Variants in ZNF217 observed in about 807,000 individuals in gnomAD.
The protein encoded by ZNF217 is zinc finger protein 217.
In ZNF217, 12 loss-of-function variants were observed where a neutral mutation model predicts 73.3. The ratio of observed to expected loss-of-function variants is 0.16; its 90% CI spans 0.10 to 0.27. The LOEUF (loss-of-function observed/expected upper bound fraction) is 0.27. Ranked by LOEUF, ZNF217 falls within the 10% of genes least tolerant of loss-of-function variation. The probability of loss-of-function intolerance (pLI) is 1.00; values close to 1 mark genes in which losing one functional copy is unlikely to be tolerated. For missense variants in ZNF217, 1,195 were observed against 1,327.8 expected, an observed-to-expected ratio of 0.90 and a Z score of 1.55; for synonymous variants, 588 against 516.4, an observed-to-expected ratio of 1.14 and a Z score of -1.88.
intron 4 of ZNF217, among the ~76,000 whole-genome samples, chr20:53,573,857 G>A (rs1682573811): frequency 6.6e-6 from 1 of 152,174 alleles, no homozygotes; most frequent in South Asian, 2.1e-4. Flanking sequence ...GATCACCTAA[G>A]GTCAGGAGTT....
In ZNF217 at chr20:53,581,405, C is replaced by CGGGGAGACAGACAGACACA; in HGVS notation, c.1366+37_1366+55dup. ...GGAGATGGGAATAGAGAGGGGGAGA[C>CGGGGAGACAGACAGACACA]GGGGAGACAGACAGACACAGGCGGA... is the stretch of plus-strand genomic sequence containing the variant. On this transcript the variant is annotated intron_variant, in intron 2 of 5. Transcript: ENST00000371471. The surrounding 1 kb of genome is among the most constrained non-coding windows in gnomAD (Gnocchi z 4.9). 6.5e-7 allele frequency: 1 copy of CGGGGAGACAGACAGACACA among 1,530,160 alleles called. No homozygotes were observed. The highest frequency in any genetic ancestry group is 1.2e-5 in the South Asian group (1 of 80,054). 94.8% of individuals were successfully genotyped at this position (1,530,160 alleles called of 1,614,324 possible).
chr20:53,591,932 C>A (rs1001308456), intron 1 of ZNF217, among the ~76,000 whole-genome samples: 8 of 152,232 alleles, frequency 5.3e-5, no homozygotes, highest in Non-Finnish European at 8.8e-5. Context: ...AAATCTCCTT[C>A]TTGACATATA....
chr20:53,591,237 T>G (rs1017818575), intron 1 of ZNF217, among the ~76,000 whole-genome samples: 2 of 152,146 alleles, frequency 1.3e-5, no homozygotes, highest in African/African-American at 4.8e-5. Flanking sequence ...ACAGCAAAGG[T>G]CAAACTGCAA....
chr20:53,578,638 AGT>A (rs1197551543), intron 2 of ZNF217, among the ~76,000 whole-genome samples, 188 bp from the exon 3 acceptor site: 2 of 152,218 alleles, frequency 1.3e-5, no homozygotes, highest in Non-Finnish European at 2.9e-5. Context: ...GAAGTTTTAG[AGT>A]GTTATAACAT....
At chr20:53,572,024 A>G (rs145152513) in intron 4 of ZNF217, among the ~76,000 whole-genome samples, 171 bp from the exon 5 acceptor site, 32 of 152,326 alleles carry the variant, frequency 2.1e-4, no homozygotes, top group African/African-American at 7.5e-4. Context: ...TTTTTATGAC[A>G]CTTGTTAGCA....
chr20:53,576,903 C>T lies in ZNF217; in HGVS notation c.1861G>A (p.Ala621Thr). The change falls in exon 4 of 6, where the codon GCT becomes ACT. Residue 621 changes from alanine (A) to threonine (T), a missense_variant. Physicochemically the swap from Ala to Thr is moderately conservative, Grantham distance 58. This residue lies in a region of ZNF217 where 649 missense variants were observed against 642.8 expected (regional missense o/e 1.01). Transcript: ENST00000371471. ...CTCTTTTTTAACAGGTCCAGGTAAG[C>T]AGGGGTAGGGTTTTTATTCACTTTA... ...ADKVNKNPTP[A>T]YLDLLKKRSA... The T allele has an allele frequency of 6.2e-7, 1 of 1,614,138 alleles. No individual in the cohort carries two copies.
rs1318077791 is a variant in ZNF217, at chr20:53,567,929, TAATAA to T, written c.*1354_*1358del. ...CAAATTTATTTTTGAAACAGTTTCT[TAATAA>T]AATATTTTGTGGTCACTAAGCCCAT... On this transcript the variant is annotated 3_prime_UTR_variant, in exon 6 of 6. Coordinates refer to ENST00000371471, the MANE Select transcript of ZNF217 (RefSeq NM_006526.3). 3 of 152,642 alleles carry T rather than the reference TAATAA, an allele frequency of 2.0e-5. No homozygotes were observed. Among genetic ancestry groups the T allele is most frequent in the African/African-American group, 7.2e-5 (3 of 41,448 alleles). The allele number at this position is 152,642 out of a possible 1,614,324, so 9.5% of individuals were successfully genotyped here. A position where few individuals can be genotyped will look rare whatever the true frequency, so the allele number is the denominator to read the frequency against.
At position 53,569,154 on chromosome 20, in the gene ZNF217, T is replaced by C. The variant is rs561780314; in HGVS notation, c.*134A>G. 5 of 1,342,148 alleles carry C rather than the reference T, an allele frequency of 3.7e-6. No homozygotes were observed. The East Asian group carries it at 2.3e-4, about 62-fold the overall frequency. The allele number at this position is 1,342,148 out of a possible 1,614,324, so 83.1% of individuals were successfully genotyped here. A position where few individuals can be genotyped will look rare whatever the true frequency, so the allele number is the denominator to read the frequency against. On this transcript the variant is annotated 3_prime_UTR_variant, in exon 6 of 6. Coordinates refer to ENST00000371471, the MANE Select transcript of ZNF217 (RefSeq NM_006526.3). ...GTGTTCCTTGCAGATTCCTCATATG[T>C]TTTATGTACAGTACAATCACAGCTT...
In ZNF217 at chr20:53,582,635, G is replaced by A. The variant is rs759869095; in HGVS notation, c.192C>T (p.Pro64=). 6.2e-7 allele frequency: 1 copy of A among 1,614,162 alleles called. No homozygotes were observed. Among genetic ancestry groups the A allele is most frequent in the East Asian group, 2.2e-5 (1 of 44,890 alleles). The change falls in exon 2 of 6, where the codon CCC becomes CCT. Residue 64 remains proline (P), a synonymous_variant. Transcript: ENST00000371471. The surrounding 1 kb of genome is among the most constrained non-coding windows in gnomAD (Gnocchi z 4.8). ...KNVIQIEGYM[P]LDCMFCSQTF... is the part of the protein sequence containing the mutation. ...TCTGGCTGCAGAACATGCAATCCAA[G>A]GGCATATACCCCTCGATTTGGATGA...
At chr20:53,592,848 AAAAG>A (rs1365050584) in intron 1 of ZNF217, among the ~76,000 whole-genome samples, 1 of 151,428 alleles carries the variant, frequency 6.6e-6, no homozygotes, top group African/African-American at 2.4e-5. Context: ...AAAAAAAAAA[AAAAG>A]AAAAGAAAAA....
At chr20:53,594,569 T>G (rs1159527523), upstream of ZNF217, among the ~76,000 whole-genome samples, 1 of 151,270 alleles carries the variant, frequency 6.6e-6, no homozygotes, top group Non-Finnish European at 1.5e-5. Context: ...CCCGCACCCC[T>G]CCTCCCGCCA....
chr20:53,576,390 C>G lies in ZNF217; in HGVS notation c.2374G>C (p.Gly792Arg). The change falls in exon 4 of 6, where the codon GGG becomes CGG. Residue 792 changes from glycine (G) to arginine (R), a missense_variant. By Grantham distance (125) the Gly-to-Arg change is moderately radical. Coordinates refer to ENST00000371471, the MANE Select transcript of ZNF217 (RefSeq NM_006526.3). ...AQSKSLPSAK[G>R]KQSPPGPGKA... ...CCTGGCCCAGGAGGGCTCTGCTTCC[C>G]CTTCGCAGATGGCAGGGATTTGGAC... is the stretch of plus-strand genomic sequence containing the variant. 1.9e-6 allele frequency: 3 copies of G among 1,614,238 alleles called. No individual in the cohort carries two copies. The highest frequency in any genetic ancestry group is 2.5e-6 in the Non-Finnish European group (3 of 1,180,052).
intron 1 of ZNF217, among the ~76,000 whole-genome samples, chr20:53,590,905 G>A (rs1988856548): frequency 6.6e-6 from 1 of 152,242 alleles, no homozygotes. Context: ...CAAGTCCACT[G>A]GAAGGGGATT....
At chr20:53,584,818 T>C (rs1988631946) in intron 1 of ZNF217, among the ~76,000 whole-genome samples, 1 of 152,182 alleles carries the variant, frequency 6.6e-6, no homozygotes, top group Non-Finnish European at 1.5e-5. Context: ...TTAAGTTTCA[T>C]TTGCTTATTC....
In ZNF217 at chr20:53,583,115, T is replaced by G; in HGVS notation, c.-289A>C. 1 of 417,256 alleles carries G rather than the reference T, an allele frequency of 2.4e-6. No homozygotes were observed. Among genetic ancestry groups the G allele is most frequent in the Non-Finnish European group, 4.2e-6 (1 of 236,428 alleles). 25.8% of individuals were successfully genotyped at this position (417,256 alleles called of 1,614,324 possible). A position where few individuals can be genotyped will look rare whatever the true frequency, so the allele number is the denominator to read the frequency against. On this transcript the variant is annotated 5_prime_UTR_variant, in exon 2 of 6. The change abolishes the stop of an existing upstream ORF in the 5' untranslated region. Coordinates refer to ENST00000371471, the MANE Select transcript of ZNF217 (RefSeq NM_006526.3). The stretch of plus-strand genomic sequence containing the variant: ...TCTTTGTCTCCATTGAATGAGTGTT[T>G]CAATTGAGCAAGAAGTCAATCCCAG...
chr20:53,593,915 G>C (rs1359428242), upstream of ZNF217: 42 of 151,558 alleles, frequency 2.8e-4, no homozygotes, highest in African/African-American at 9.9e-4. Flanking sequence ...GTTTCTCTCA[G>C]CCTTTTGTGC....
rs780537421 is a variant in ZNF217 at position 53,582,667 on chromosome 20, T to C, written c.160A>G (p.Lys54Glu). ...AVVPFRATQE[K>E]NVIQIEGYMP... ...TACCCCTCGATTTGGATGACATTTT[T>C]TTCTTGTGTAGCTCGGAATGGAACA... The change falls in exon 2 of 6, where the codon AAA becomes GAA. Residue 54 changes from lysine to glutamate, a missense_variant. Lys to Glu is a moderately conservative substitution (Grantham distance 56). This residue lies in a region of ZNF217 where 147 missense variants were observed against 184.3 expected (regional missense o/e 0.80). Coordinates refer to ENST00000371471, the MANE Select transcript of ZNF217 (RefSeq NM_006526.3). This position sits in a 1 kb window ranked among gnomAD's most constrained non-coding sequence, Gnocchi z 4.8. 28 of 1,614,074 alleles carry C rather than the reference T, an allele frequency of 1.7e-5. No individual in the cohort carries two copies. The highest frequency in any genetic ancestry group is 2.3e-5 in the Non-Finnish European group (27 of 1,180,042).
upstream of ZNF217, among the ~76,000 whole-genome samples, chr20:53,596,011 G>A (rs1989035104): frequency 6.6e-6 from 1 of 151,968 alleles, no homozygotes; most frequent in African/African-American, 2.4e-5. Flanking sequence ...TGTCAAAATC[G>A]AGCAAAAAGA....
chr20:53,588,858 G>C (rs944097579), intron 1 of ZNF217, among the ~76,000 whole-genome samples: 2 of 152,100 alleles, frequency 1.3e-5, no homozygotes, highest in Non-Finnish European at 2.9e-5. Flanking sequence ...TCACCTGTTT[G>C]CTTTCAAAAT....
Sources: allele counts gnomAD v4.1 joint callset (sites outside exome capture counted in the v4.1 genomes callset), GRCh38; gene constraint gnomAD v4.1.1; regional missense constraint gnomAD v4.1.1; non-coding constraint Gnocchi (gnomAD v3.1); transcripts MANE v1.5; gene names NCBI Gene and HGNC (gene_info 2026-07-23, HGNC 2026-07-21).